Variants in ZNF225 observed in about 807,000 individuals in gnomAD.
The protein encoded by ZNF225 is zinc finger protein 225.
Under a neutral mutation model 12.0 loss-of-function variants are expected in ZNF225, and 6 were observed. The ratio of observed to expected loss-of-function variants is 0.50; its 90% CI spans 0.27 to 0.98. The LOEUF (loss-of-function observed/expected upper bound fraction) is 0.98. ZNF225 is among the 50% of genes least tolerant of loss of function. ZNF225 has a pLI of 0.11. For missense variants in ZNF225, 763 were observed against 848.2 expected (o/e 0.90, Z 1.25); for synonymous variants, 271 against 283.2 (o/e 0.96, Z 0.43).
At position 44,133,749 on chromosome 19, in the gene ZNF225, GCTTT is replaced by G. The variant is rs1968334009; in HGVS notation, c.*1018_*1021del. 6.6e-6 allele frequency: 1 copy of G among 151,584 alleles called. No individual in the cohort carries two copies. Among genetic ancestry groups the G allele is most frequent in the South Asian group, 2.1e-4 (1 of 4,794 alleles). 9.4% of individuals were successfully genotyped at this position (151,584 alleles called of 1,614,324 possible). On this transcript the variant is annotated 3_prime_UTR_variant, in exon 5 of 5. Coordinates refer to ENST00000262894, the MANE Select transcript of ZNF225 (RefSeq NM_013362.4). ...TATTTTGAGTACATTAGGTTAAAAG[GCTTT>G]CTTCAGCAAAATCTATCTCTAGAGA... is the stretch of plus-strand genomic sequence containing the variant.
chr19:44,122,189 G>T (rs1454266850), intron 4 of ZNF225, among the ~76,000 whole-genome samples: 2 of 152,134 alleles, frequency 1.3e-5, no homozygotes. Flanking sequence ...GAGGGATGAA[G>T]ATCCAGTTTC....
At position 44,118,227 on chromosome 19, in the gene ZNF225, G is replaced by T. The variant is rs1386723697; in HGVS notation, c.55G>T (p.Glu19Ter). 1 of 1,613,154 alleles carries T rather than the reference G, an allele frequency of 6.2e-7. No individual in the cohort carries two copies. The highest frequency in any genetic ancestry group is 8.5e-7 in the Non-Finnish European group (1 of 1,179,632). The change falls in exon 3 of 5, where the codon GAG (glutamate) becomes TAG (stop). Residue 19 changes from glutamate to a stop codon, truncating the protein, a stop_gained. Coordinates refer to ENST00000262894, the MANE Select transcript of ZNF225 (RefSeq NM_013362.4). LOFTEE classifies it high-confidence loss of function. Reference sequence around the variant, plus strand: ...CAAGGACGTGGCTGTGGTCTTCACTGAGGAAGAGCTGAGGCTGCTGGACCT... The same window carrying T: ...CAAGGACGTGGCTGTGGTCTTCACTTAGGAAGAGCTGAGGCTGCTGGACCT... ...TFKDVAVVFT[E>*]EELRLLDLAQ...
intron 4 of ZNF225, among the ~76,000 whole-genome samples, chr19:44,120,021 C>T (rs533249549): frequency 1.3e-5 from 2 of 152,252 alleles, no homozygotes; most frequent in South Asian, 2.1e-4. Flanking sequence ...AGTTTGAGAC[C>T]AGCCTGGCCA....
chr19:44,118,329 C>A lies in ZNF225; in HGVS notation c.142+15C>A, dbSNP rs760215963. On this transcript the variant is annotated intron_variant, in intron 3 of 4. Coordinates refer to ENST00000262894, the MANE Select transcript of ZNF225 (RefSeq NM_013362.4). The stretch of plus-strand genomic sequence containing the variant: ...GCTCTCAGTGGGTGAGGACAGGCAC[C>A]CTTTGTAAGGGAACATCAGGACCAG... 2 of 1,610,510 alleles carry A rather than the reference C, an allele frequency of 1.2e-6. No homozygotes were observed. Among genetic ancestry groups the A allele is most frequent in the Non-Finnish European group, 8.5e-7 (1 of 1,178,738 alleles).
intron 1 of ZNF225, among the ~76,000 whole-genome samples, chr19:44,115,194 C>T (rs1323090775): frequency 6.6e-6 from 1 of 152,074 alleles, no homozygotes; most frequent in Non-Finnish European, 1.5e-5. Flanking sequence ...CTTTGTCCAA[C>T]TTTATTGAGG....
At chr19:44,128,875 T>C (rs1256797320) in intron 4 of ZNF225, 3 of 405,690 alleles carry the variant, frequency 7.4e-6, no homozygotes, top group Non-Finnish European at 1.3e-5. Context: ...TAAAGGTCTG[T>C]TTCTTTACAT....
At chr19:44,122,574 A>G (rs1333472821) in intron 4 of ZNF225, among the ~76,000 whole-genome samples, 1 of 152,170 alleles carries the variant, frequency 6.6e-6, no homozygotes, top group African/African-American at 2.4e-5. Flanking sequence ...TTTAATTTGT[A>G]GATTGCTTTT....
rs1401554647 is a variant in ZNF225, at chr19:44,118,496, C to T, written c.157C>T (p.His53Tyr). Residue 53 changes from histidine (H) to tyrosine (Y), a missense_variant, in exon 4 of 5, where the codon CAC becomes TAC. Coordinates refer to ENST00000262894, the MANE Select transcript of ZNF225 (RefSeq NM_013362.4). Reference protein sequence around the residue: ...NLLSVGHQSLHRDTFHFLKEE... With the variant: ...NLLSVGHQSLYRDTFHFLKEE... ...CACGTTCACAGGGCATCAATCACTC[C>T]ACAGAGATACTTTCCACTTCCTAAA... is the stretch of plus-strand genomic sequence containing the variant. 6.2e-7 allele frequency: 1 copy of T among 1,613,528 alleles called. No homozygotes were observed. The highest frequency in any genetic ancestry group is 8.5e-7 in the Non-Finnish European group (1 of 1,179,654).
At chr19:44,128,994 A>G (rs1409745769) in intron 4 of ZNF225, 1 of 1,181,778 alleles carries the variant, frequency 8.5e-7, no homozygotes, top group Non-Finnish European at 1.1e-6. Flanking sequence ...GATCTTACCA[A>G]CTTTCATTGT....
chr19:44,117,343 C>G (rs1225518162), intron 2 of ZNF225, among the ~76,000 whole-genome samples: 1 of 152,194 alleles, frequency 6.6e-6, no homozygotes, highest in Non-Finnish European at 1.5e-5. Flanking sequence ...ATGCTGCAAT[C>G]AATGTATGTA....
At position 44,131,740 on chromosome 19, in the gene ZNF225, G is replaced by C; in HGVS notation, c.1126G>C (p.Glu376Gln). The change falls in exon 5 of 5, where the codon GAA becomes CAA. Residue 376 changes from glutamate (E) to glutamine (Q), a missense_variant. Physicochemically the swap from Glu to Gln is conservative, Grantham distance 29. Coordinates refer to ENST00000262894, the MANE Select transcript of ZNF225 (RefSeq NM_013362.4). ...AGGGGAGAAGCCATATAATTGTAAAGAATGTGGAAAGAGCTTCAGATGGGC... is the reference window on the plus strand; with the variant it reads ...AGGGGAGAAGCCATATAATTGTAAACAATGTGGAAAGAGCTTCAGATGGGC... ...HTGEKPYNCKECGKSFRWASG... is the reference protein window; with the variant it reads ...HTGEKPYNCKQCGKSFRWASG... 2 of 1,614,210 alleles carry C rather than the reference G, an allele frequency of 1.2e-6. No individual in the cohort carries two copies. The highest frequency in any genetic ancestry group is 1.7e-6 in the Non-Finnish European group (2 of 1,180,034).
chr19:44,112,868 T>C (rs895296275), upstream of ZNF225: 1 of 152,248 alleles, frequency 6.6e-6, no homozygotes, highest in Non-Finnish European at 1.5e-5. Flanking sequence ...GTCTTCTCGC[T>C]TGTTCCCTTT....
chr19:44,118,089 A>G, intron 2 of ZNF225, 99 bp from the exon 3 acceptor site: 2 of 1,396,668 alleles, frequency 1.4e-6, no homozygotes, highest in Non-Finnish European at 9.5e-7. Context: ...CTCAAGATCC[A>G]AAACAGCTTC....
intron 4 of ZNF225, chr19:44,129,108 T>C: frequency 8.1e-7 from 1 of 1,231,394 alleles, no homozygotes; most frequent in Non-Finnish European, 1.0e-6. Context: ...GGTAACCAAG[T>C]TATTGTTCAT....
chr19:44,118,695 C>G lies in ZNF225; in HGVS notation c.235+121C>G, dbSNP rs116273552. 2.1e-3 allele frequency: 2,108 copies of G among 1,018,598 alleles called. 21 individuals carry two copies. In the African/African-American group the frequency reaches 0.03, roughly 15 times the overall value. The allele number at this position is 1,018,598 out of a possible 1,614,324, so 63.1% of individuals were successfully genotyped here. A position where few individuals can be genotyped will look rare whatever the true frequency, so the allele number is the denominator to read the frequency against. On this transcript the variant is annotated intron_variant, in intron 4 of 4. Transcript: ENST00000262894. ...AGACCTCTTTCCTGAATTATTACAG[C>G]TGACTTTCGGCTGGTTTCCCTGCTC... is the stretch of plus-strand genomic sequence containing the variant.
chr19:44,127,514 A>G, intron 4 of ZNF225, among the ~76,000 whole-genome samples: 1 of 152,192 alleles, frequency 6.6e-6, no homozygotes, highest in East Asian at 1.9e-4. Flanking sequence ...TGTATGCCGC[A>G]CTGTCCGTCT....
intron 1 of ZNF225, among the ~76,000 whole-genome samples, chr19:44,113,800 T>G (rs1039571026): frequency 2.6e-5 from 4 of 152,230 alleles, no homozygotes; most frequent in African/African-American, 7.2e-5. Flanking sequence ...GGTCTCCCGT[T>G]ACAGTTCTTT....
Position 44,132,162 on chromosome 19 carries a change from G to C in ZNF225, c.1548G>C (p.Glu516Asp), listed in dbSNP as rs1257049510. The C allele has an allele frequency of 2.5e-6, 4 of 1,613,618 alleles. No homozygotes were observed. Among genetic ancestry groups the C allele is most frequent in the Non-Finnish European group, 3.4e-6 (4 of 1,179,892 alleles). Reference sequence around the variant, plus strand: ...GAGAAAAACCATTCAAATGTGAAGAGTGTGGGAAAAGATTTACTCAGAATT... The same window carrying C: ...GAGAAAAACCATTCAAATGTGAAGACTGTGGGAAAAGATTTACTCAGAATT... ...HSGEKPFKCEECGKRFTQNSQ... is the reference protein window; with the variant it reads ...HSGEKPFKCEDCGKRFTQNSQ... The change falls in exon 5 of 5, where the codon GAG becomes GAC. Residue 516 changes from glutamate to aspartate, a missense_variant. Glu to Asp is a conservative substitution (Grantham distance 45). Transcript: ENST00000262894.
intron 2 of ZNF225, among the ~76,000 whole-genome samples, chr19:44,116,561 A>G (rs1967946029): frequency 6.6e-6 from 1 of 152,244 alleles, no homozygotes. Flanking sequence ...AAAAATATTC[A>G]CTACTTGTAT....
Sources: gnomAD v4.1 joint callset for allele counts (sites outside exome capture counted in the v4.1 genomes callset) on GRCh38, gnomAD v4.1.1 for gene constraint, MANE v1.5 for transcripts, NCBI Gene and HGNC (gene_info 2026-07-23, HGNC 2026-07-21) for gene names.